Variants in HIGD1C observed in about 807,000 individuals in gnomAD.
HIGD1C encodes the protein HIG1 domain family member 1C.
Under a neutral mutation model 13.1 loss-of-function variants are expected in HIGD1C, and 11 were observed. The ratio of observed to expected loss-of-function variants is 0.84; its 90% CI spans 0.53 to 1.39. The LOEUF (loss-of-function observed/expected upper bound fraction) is 1.39, where lower values mean the gene tolerates loss of function less well. HIGD1C is among the 40% of genes most tolerant of loss of function. The pLI, the probability that HIGD1C is intolerant of heterozygous loss-of-function variation, is 0.00. For missense variants in HIGD1C, 110 were observed against 112.0 expected, an observed-to-expected ratio of 0.98 and a Z score of 0.08; for synonymous variants, 36 against 37.7, an observed-to-expected ratio of 0.95 and a Z score of 0.17.
chr12:50,965,603 C>G (rs1327952591), intron 2 of HIGD1C, among the ~76,000 whole-genome samples: 1 of 152,110 alleles, frequency 6.6e-6, no homozygotes. Context: ...GACTATGAAA[C>G]AGACCCACAG....
At chr12:50,944,741 G>T in the HIGD1C span, among the ~76,000 whole-genome samples, 3 of 152,132 alleles carry the variant, frequency 2.0e-5, no homozygotes, top group Non-Finnish European at 4.4e-5. Context: ...ATAAAAATTA[G>T]CTGGGCATGG....
upstream of HIGD1C, among the ~76,000 whole-genome samples, chr12:50,950,503 T>C (rs1319549332): frequency 6.6e-6 from 1 of 151,978 alleles, no homozygotes; most frequent in Non-Finnish European, 1.5e-5. Flanking sequence ...TGCCTACTAA[T>C]AAATGGTTGT....
the HIGD1C span, among the ~76,000 whole-genome samples, chr12:50,940,982 C>T: frequency 6.6e-6 from 1 of 151,746 alleles, no homozygotes; most frequent in Non-Finnish European, 1.5e-5. Context: ...GTAGCTGGGA[C>T]CACAGGCATG....
At chr12:50,953,803 C>A, upstream of HIGD1C, 1 of 519,812 alleles carries the variant, frequency 1.9e-6, no homozygotes, top group African/African-American at 1.9e-5. Context: ...TTCTTATCCC[C>A]TTCCCCTGCA....
the HIGD1C span, among the ~76,000 whole-genome samples, chr12:50,935,627 C>T: frequency 6.6e-6 from 1 of 151,984 alleles, no homozygotes; most frequent in Admixed American, 6.6e-5. Context: ...TAGCTGGGAC[C>T]ACAGGCATGC....
upstream of HIGD1C, among the ~76,000 whole-genome samples, chr12:50,953,344 A>T (rs1171469142): frequency 6.6e-6 from 1 of 152,242 alleles, no homozygotes. Flanking sequence ...GGGTGAACAC[A>T]ATAAGCTGCA....
upstream of HIGD1C, chr12:50,953,874 T>C (rs575018636): frequency 1.9e-5 from 11 of 593,480 alleles, no homozygotes; most frequent in Admixed American, 6.0e-5. Flanking sequence ...GTTGAGCAGA[T>C]AGGCTTATCA....
the HIGD1C span, among the ~76,000 whole-genome samples, chr12:50,935,633 C>G: frequency 2.0e-5 from 3 of 152,182 alleles, no homozygotes; most frequent in Non-Finnish European, 2.9e-5. Flanking sequence ...GGACCACAGG[C>G]ATGCACCAGC....
At chr12:50,946,526 A>G in the HIGD1C span, among the ~76,000 whole-genome samples, 3 of 152,194 alleles carry the variant, frequency 2.0e-5, no homozygotes, top group Non-Finnish European at 4.4e-5. Flanking sequence ...CAAAACCACA[A>G]TGAGATACCA....
At chr12:50,947,020 G>A in the HIGD1C span, among the ~76,000 whole-genome samples, 1 of 152,026 alleles carries the variant, frequency 6.6e-6, no homozygotes, top group Admixed American at 6.6e-5. Context: ...TATGGCTTCT[G>A]GACACCATTC....
exon 2 of HIGD1C, chr12:50,961,076 G>T (rs1188125798): frequency 6.2e-7 from 1 of 1,613,894 alleles, no homozygotes; most frequent in East Asian, 2.2e-5. Flanking sequence ...GCTGCCCAAG[G>T]ATTTGTTGTT....
upstream of HIGD1C, among the ~76,000 whole-genome samples, chr12:50,953,100 T>A (rs745498667): frequency 6.6e-5 from 10 of 151,968 alleles, no homozygotes; most frequent in East Asian, 2.0e-3. Flanking sequence ...AGCCGACCAC[T>A]CCCCCAGTCC....
At chr12:50,934,022 C>A in the HIGD1C span, among the ~76,000 whole-genome samples, 6 of 152,210 alleles carry the variant, frequency 3.9e-5, no homozygotes, top group Admixed American at 2.6e-4. Flanking sequence ...GGAGATACAG[C>A]CCTGGCATTC....
At chr12:50,949,782 C>A (rs139084534), upstream of HIGD1C, among the ~76,000 whole-genome samples, 157 of 152,158 alleles carry the variant, frequency 1.0e-3, 1 homozygote, top group African/African-American at 3.6e-3. Context: ...GATTGGCCTG[C>A]CTTAGCCTCC....
At chr12:50,966,624 A>G (rs1472356199) in intron 2 of HIGD1C, among the ~76,000 whole-genome samples, 1 of 152,196 alleles carries the variant, frequency 6.6e-6, no homozygotes, top group African/African-American at 2.4e-5. Context: ...AAGTTCTGGC[A>G]TTTCAATTTC....
chr12:50,936,750 T>C, the HIGD1C span, among the ~76,000 whole-genome samples: 7 of 152,378 alleles, frequency 4.6e-5, no homozygotes, highest in East Asian at 5.8e-4. Flanking sequence ...TCTTAGGTCA[T>C]GAAAAATCAC....
the HIGD1C span, among the ~76,000 whole-genome samples, chr12:50,941,447 C>T: frequency 5.9e-5 from 9 of 151,756 alleles, no homozygotes; most frequent in East Asian, 1.7e-3. Flanking sequence ...TACGTTTGCA[C>T]AACATTTGGA....
At chr12:50,966,433 G>A (rs1939543380) in intron 2 of HIGD1C, among the ~76,000 whole-genome samples, 2 of 152,210 alleles carry the variant, frequency 1.3e-5, no homozygotes, top group Non-Finnish European at 2.9e-5. Context: ...TTGTTGTGGA[G>A]GATTGTCCCA....
chr12:50,948,422 G>A, the HIGD1C span, among the ~76,000 whole-genome samples: 1 of 152,162 alleles, frequency 6.6e-6, no homozygotes, highest in Admixed American at 6.5e-5. Flanking sequence ...GGCAGGCTGT[G>A]GAGAAAGAGA....
Sources: allele counts gnomAD v4.1 joint callset (sites outside exome capture counted in the v4.1 genomes callset), GRCh38; gene constraint gnomAD v4.1.1; transcripts MANE v1.5; gene names NCBI Gene and HGNC (gene_info 2026-07-23, HGNC 2026-07-21).